The following PALM2AKAP2 variants were observed in gnomAD, a reference collection of about 807,000 sequenced individuals.
PALM2AKAP2 encodes the protein PALM2 and AKAP2 fusion, also known as PALM2-AKAP2 fusion protein.
In PALM2AKAP2, 37 loss-of-function variants were observed where a neutral mutation model predicts 71.5. The observed-to-expected ratio is 0.52, with a 90% confidence interval of 0.40 to 0.68. The LOEUF is 0.68. Among genes scored for constraint, PALM2AKAP2 ranks in the 30% least tolerant of loss-of-function variants. PALM2AKAP2 has a pLI of 0.00. For synonymous variants in PALM2AKAP2, 468 were observed against 478.8 expected, an observed-to-expected ratio of 0.98 and a Z score of 0.29; for missense variants, 1,224 against 1,191.8, an observed-to-expected ratio of 1.03 and a Z score of -0.40.
intron 6 of PALM2AKAP2, among the ~76,000 whole-genome samples, chr9:109,981,614 G>A (rs557566846): frequency 6.6e-6 from 1 of 152,352 alleles, no homozygotes; most frequent in South Asian, 2.1e-4. Flanking sequence ...CTGAAACAGG[G>A]ACAGTGCTGA....
chr9:109,853,586 G>A (rs906682155), intron 1 of PALM2AKAP2, among the ~76,000 whole-genome samples: 1 of 152,172 alleles, frequency 6.6e-6, no homozygotes, highest in Non-Finnish European at 1.5e-5. Flanking sequence ...AAGCAATGCT[G>A]CAGTAAATAT....
chr9:110,122,023 A>G (rs1482597411), intron 1 of PALM2AKAP2, among the ~76,000 whole-genome samples: 2 of 152,248 alleles, frequency 1.3e-5, no homozygotes, highest in Admixed American at 1.3e-4. Flanking sequence ...AGCTCCTAGC[A>G]GCTGGCCTAC....
intron 2 of PALM2AKAP2, among the ~76,000 whole-genome samples, chr9:109,879,092 G>T (rs1263240958): frequency 3.3e-5 from 5 of 152,136 alleles, no homozygotes; most frequent in African/African-American, 7.2e-5. Flanking sequence ...CCTTAATGCC[G>T]CATACAAATG....
chr9:109,934,123 T>G (rs1216241781), intron 6 of PALM2AKAP2, among the ~76,000 whole-genome samples: 2 of 152,232 alleles, frequency 1.3e-5, no homozygotes, highest in African/African-American at 4.8e-5. Context: ...GAATCATTGC[T>G]TTTCAGAATT....
intron 1 of PALM2AKAP2, among the ~76,000 whole-genome samples, chr9:109,799,668 G>C (rs1827364916): frequency 6.6e-6 from 1 of 152,068 alleles, no homozygotes; most frequent in African/African-American, 2.4e-5. Context: ...TAATTTTTTT[G>C]TATTTTTTGT....
At chr9:110,027,261 C>A (rs1412095529) in intron 7 of PALM2AKAP2, among the ~76,000 whole-genome samples, 1 of 152,128 alleles carries the variant, frequency 6.6e-6, no homozygotes, top group Non-Finnish European at 1.5e-5. Context: ...GGCTGTGCAT[C>A]ATTTTCTTGA....
chr9:110,117,758 G>A (rs561465933), intron 1 of PALM2AKAP2, among the ~76,000 whole-genome samples: 14 of 151,914 alleles, frequency 9.2e-5, no homozygotes, highest in African/African-American at 2.9e-4. Flanking sequence ...TGACCTTATC[G>A]CCTCTTCAAG....
At chr9:109,707,639 CA>C (rs1828164396) in intron 1 of PALM2AKAP2, among the ~76,000 whole-genome samples, 1 of 152,158 alleles carries the variant, frequency 6.6e-6, no homozygotes, top group Admixed American at 6.5e-5. Context: ...TGCCTGTTTC[CA>C]AGCCTGTTTC....
intron 1 of PALM2AKAP2, among the ~76,000 whole-genome samples, chr9:109,729,459 A>G (rs1179205768): frequency 6.6e-6 from 1 of 152,234 alleles, no homozygotes; most frequent in African/African-American, 2.4e-5. Context: ...AGATGATTCT[A>G]TGATTCTAGC....
chr9:110,044,009 A>G (rs921032050), upstream of PALM2AKAP2, among the ~76,000 whole-genome samples: 14 of 152,016 alleles, frequency 9.2e-5, no homozygotes, highest in African/African-American at 2.7e-4. Flanking sequence ...GTGAGCCACC[A>G]CATCCAGCCC....
chr9:109,843,556 T>G (rs1423855100), intron 1 of PALM2AKAP2, among the ~76,000 whole-genome samples: 1 of 152,148 alleles, frequency 6.6e-6, no homozygotes, highest in African/African-American at 2.4e-5. Flanking sequence ...GCTCAAAATA[T>G]TTTACAGATT....
Position 110,138,416 on chromosome 9 carries a change from C to T in PALM2AKAP2, c.2446C>T (p.Arg816Ter), listed in dbSNP as rs561065144. The change falls in exon 2 of 4, where the codon CGA becomes TGA. Residue 816 changes from arginine (R) to a stop codon, truncating the protein, a stop_gained. Coordinates refer to ENST00000374525, the Ensembl canonical transcript of PALM2AKAP2. LOFTEE classifies it high-confidence loss of function. ...TTTGTCCATGATTGAGGAAGAGATC[C>T]GAGCAGCTCAGGAAAGGGAAGAGGA... is the stretch of plus-strand genomic sequence containing the variant. 7.4e-6 allele frequency: 12 copies of T among 1,614,092 alleles called. No individual in the cohort carries two copies. Among genetic ancestry groups the T allele is most frequent in the African/African-American group, 1.3e-5 (1 of 74,920 alleles).
At chr9:109,879,698 G>GTT (rs1564192843) in intron 2 of PALM2AKAP2, among the ~76,000 whole-genome samples, 5 of 117,172 alleles carry the variant, frequency 4.3e-5, no homozygotes, top group African/African-American at 1.5e-4. Context: ...TGGGATGTAT[G>GTT]GTTTTTTTTT....
intron 1 of PALM2AKAP2, among the ~76,000 whole-genome samples, chr9:110,085,999 C>CG (rs1295874160): frequency 8.6e-5 from 13 of 150,418 alleles, no homozygotes; most frequent in African/African-American, 3.2e-4. Context: ...CCTGGCTACT[C>CG]GGGAGGTTGA....
intron 6 of PALM2AKAP2, chr9:109,944,925 G>T (rs1831467115): frequency 6.6e-6 from 1 of 152,082 alleles, no homozygotes; most frequent in South Asian, 2.1e-4. Context: ...TTATAGCATT[G>T]TTATGAATTA....
At chr9:109,887,940 G>A (rs1830004109) in intron 3 of PALM2AKAP2, among the ~76,000 whole-genome samples, 1 of 152,192 alleles carries the variant, frequency 6.6e-6, no homozygotes, top group African/African-American at 2.4e-5. Context: ...CTCCACACAT[G>A]CTTCTTCAGA....
intron 3 of PALM2AKAP2, among the ~76,000 whole-genome samples, chr9:109,922,538 G>A (rs1173351264): frequency 6.6e-6 from 1 of 151,174 alleles, no homozygotes; most frequent in African/African-American, 2.4e-5. Context: ...CACAACAGAG[G>A]GGAAAGAGAC....
chr9:110,053,743 T>C (rs1289829969), intron 1 of PALM2AKAP2, among the ~76,000 whole-genome samples: 1 of 151,958 alleles, frequency 6.6e-6, no homozygotes, highest in Non-Finnish European at 1.5e-5. Flanking sequence ...GTAGCTTCTT[T>C]TGAGTAGGTT....
chr9:110,048,933 C>A, intron 1 of PALM2AKAP2: 1 of 1,402,986 alleles, frequency 7.1e-7, no homozygotes, highest in African/African-American at 1.5e-5. Context: ...AAGGGGTTGC[C>A]GAGGAAGGGC....
Sources: allele counts gnomAD v4.1 joint callset (sites outside exome capture counted in the v4.1 genomes callset), GRCh38; gene constraint gnomAD v4.1.1; transcripts MANE v1.5; gene names NCBI Gene and HGNC (gene_info 2026-07-23, HGNC 2026-07-21).